Variants in COPG2 observed in about 807,000 individuals in gnomAD.
COPG2 encodes the protein coat protein complex I subunit gamma 2, also known as coatomer subunit gamma-2.
In COPG2, 37 loss-of-function variants were observed where a neutral mutation model predicts 46.3. That is an observed-to-expected ratio of 0.80 (90% CI 0.61 to 1.05). COPG2 has a LOEUF of 1.05. Among genes scored for constraint, COPG2 ranks in the 50% least tolerant of loss-of-function variants. COPG2 has a pLI of 0.00. For missense variants in COPG2, 427 were observed against 387.8 expected, an observed-to-expected ratio of 1.10 and a Z score of -0.85; for synonymous variants, 159 against 129.7, an observed-to-expected ratio of 1.23 and a Z score of -1.53.
At chr7:130,662,057 A>C (rs1795991122) in intron 4 of COPG2, among the ~76,000 whole-genome samples, 1 of 152,106 alleles carries the variant, frequency 6.6e-6, no homozygotes, top group Non-Finnish European at 1.5e-5. Context: ...ATATGGACAG[A>C]CTCTGATGAA....
intron 9 of COPG2, among the ~76,000 whole-genome samples, chr7:130,607,946 G>A (rs1340705331): frequency 1.3e-5 from 2 of 152,100 alleles, no homozygotes; most frequent in Admixed American, 6.5e-5. Context: ...TTTTCATACT[G>A]TTGTGGGTTA....
intron 20 of COPG2, among the ~76,000 whole-genome samples, chr7:130,523,657 A>G (rs951635864): frequency 1.3e-5 from 2 of 152,198 alleles, no homozygotes; most frequent in South Asian, 4.1e-4. Context: ...GGGGTTTCCA[A>G]CGCCTCGGTC....
At position 130,668,709 on chromosome 7, in the gene COPG2, C is replaced by A; in HGVS notation, c.-41G>T. 3 of 1,512,680 alleles carry A rather than the reference C, an allele frequency of 2.0e-6. No homozygotes were observed. Among genetic ancestry groups the A allele is most frequent in the East Asian group, 2.8e-5 (1 of 35,108 alleles). 93.7% of individuals were successfully genotyped at this position (1,512,680 alleles called of 1,614,324 possible). A position where few individuals can be genotyped will look rare whatever the true frequency, so the allele number is the denominator to read the frequency against. On this transcript the variant is annotated 5_prime_UTR_variant, in exon 1 of 24. Coordinates refer to ENST00000425248, the MANE Select transcript of COPG2 (RefSeq NM_012133.6). Reference sequence around the variant, plus strand: ...AGCGCCCAGACCCACCGCAACCGTCCCAGGCGCCGCAGCCGGCGAGCGGAA... The same window carrying A: ...AGCGCCCAGACCCACCGCAACCGTCACAGGCGCCGCAGCCGGCGAGCGGAA...
chr7:130,577,490 G>A (rs1264798368), intron 9 of COPG2, among the ~76,000 whole-genome samples: 6 of 152,158 alleles, frequency 3.9e-5, no homozygotes, highest in South Asian at 4.1e-4. Flanking sequence ...GGCCAGGCGC[G>A]GTGGCTCACG....
intron 20 of COPG2, chr7:130,511,908 G>T: frequency 2.0e-6 from 1 of 507,238 alleles, no homozygotes. Context: ...ATAAACTGAT[G>T]AATGCTGATA....
chr7:130,555,226 T>C (rs1442438266), intron 12 of COPG2, 94 bp from the exon 13 acceptor site: 3 of 390,206 alleles, frequency 7.7e-6, no homozygotes, highest in African/African-American at 6.2e-5. Flanking sequence ...TTTATAATTA[T>C]GGCTACTAAA....
intron 20 of COPG2, among the ~76,000 whole-genome samples, chr7:130,519,731 CAG>C (rs1409920464): frequency 6.6e-5 from 10 of 152,100 alleles, no homozygotes; most frequent in Admixed American, 2.0e-4. Flanking sequence ...AAAAAAGAAA[CAG>C]AGGATAGCAA....
At chr7:130,555,525 C>G (rs1293736897) in intron 12 of COPG2, among the ~76,000 whole-genome samples, 1 of 152,114 alleles carries the variant, frequency 6.6e-6, no homozygotes, top group African/African-American at 2.4e-5. Context: ...AATTTTACCA[C>G]AATTTTAAAG....
intron 9 of COPG2, among the ~76,000 whole-genome samples, chr7:130,565,741 G>T (rs1208166690): frequency 1.6e-4 from 24 of 151,930 alleles, no homozygotes; most frequent in Admixed American, 1.4e-3. Flanking sequence ...TGACAGAAAT[G>T]ATTTTTTTTT....
intron 20 of COPG2, among the ~76,000 whole-genome samples, chr7:130,519,677 G>C (rs1352143134): frequency 6.6e-6 from 1 of 152,172 alleles, no homozygotes; most frequent in Non-Finnish European, 1.5e-5. Context: ...ATATTGACAG[G>C]AAAAATGGCT....
At chr7:130,597,320 A>G (rs185024551) in intron 9 of COPG2, among the ~76,000 whole-genome samples, 12 of 152,268 alleles carry the variant, frequency 7.9e-5, no homozygotes, top group African/African-American at 2.2e-4. Context: ...ATCTTTTTCG[A>G]TGTCTGATCT....
At chr7:130,520,870 T>C (rs888405608) in intron 20 of COPG2, among the ~76,000 whole-genome samples, 9 of 152,234 alleles carry the variant, frequency 5.9e-5, no homozygotes, top group Non-Finnish European at 1.2e-4. Flanking sequence ...TTATAGTCTT[T>C]ATTATAGTAG....
intron 9 of COPG2, chr7:130,607,657 T>C (rs1043669300): frequency 1.7e-5 from 9 of 517,328 alleles, no homozygotes; most frequent in South Asian, 4.2e-5. Flanking sequence ...CCAGTGATTT[T>C]TGTAGAGTTT....
At chr7:130,523,462 G>A (rs1464050552) in intron 20 of COPG2, among the ~76,000 whole-genome samples, 1 of 152,226 alleles carries the variant, frequency 6.6e-6, no homozygotes, top group Non-Finnish European at 1.5e-5. Flanking sequence ...GGTGGATGTG[G>A]GAGGATGGAG....
chr7:130,519,119 A>G (rs1242251231), intron 20 of COPG2, among the ~76,000 whole-genome samples: 2 of 152,134 alleles, frequency 1.3e-5, no homozygotes, highest in Non-Finnish European at 2.9e-5. Context: ...ATGCAATGCA[A>G]TTTTGCAAAA....
At chr7:130,507,983 AAAGGAAAGC>A (rs782436896) in intron 21 of COPG2, 160 bp from the exon 22 acceptor site, 11 of 586,242 alleles carry the variant, frequency 1.9e-5, no homozygotes, top group Non-Finnish European at 3.0e-5. Context: ...AGCCCTTAGC[AAAGGAAAGC>A]AAGAAAACAG....
At chr7:130,546,137 T>C (rs952569641) in intron 20 of COPG2, among the ~76,000 whole-genome samples, 6 of 151,968 alleles carry the variant, frequency 3.9e-5, no homozygotes, top group African/African-American at 7.3e-5. Context: ...AAACAGGACA[T>C]TGGTGAGAGG....
intron 5 of COPG2, among the ~76,000 whole-genome samples, chr7:130,641,312 A>G (rs1795461861): frequency 6.6e-6 from 1 of 152,228 alleles, no homozygotes; most frequent in Non-Finnish European, 1.5e-5. Flanking sequence ...TTCCAGGCAC[A>G]GGGAGAAGCA....
chr7:130,524,032 C>G (rs1223736950), intron 20 of COPG2, among the ~76,000 whole-genome samples: 1 of 151,892 alleles, frequency 6.6e-6, no homozygotes, highest in Non-Finnish European at 1.5e-5. Flanking sequence ...GCTGTGGTGA[C>G]AGGAAGAAGG....
Sources: allele counts gnomAD v4.1 joint callset (sites outside exome capture counted in the v4.1 genomes callset), GRCh38; gene constraint gnomAD v4.1.1; transcripts MANE v1.5; gene names NCBI Gene and HGNC (gene_info 2026-07-23, HGNC 2026-07-21).